The following MYLK variants were observed in gnomAD, a reference collection of about 807,000 sequenced individuals.
The protein encoded by MYLK is myosin light chain kinase, also known as myosin light chain kinase, smooth muscle.
A neutral mutation model predicts 203.4 loss-of-function variants in MYLK; 106 were observed. The ratio of observed to expected loss-of-function variants is 0.52; its 90% CI spans 0.45 to 0.61. The LOEUF (loss-of-function observed/expected upper bound fraction) is 0.61. Ranked by LOEUF, MYLK falls within the 20% of genes least tolerant of loss-of-function variation. The pLI is 0.00. For synonymous variants in MYLK, 867 were observed against 959.5 expected, an observed-to-expected ratio of 0.90 and a Z score of 1.78; for missense variants, 2,072 against 2,442.3, an observed-to-expected ratio of 0.85 and a Z score of 3.20.
chr3:123,618,775 AAGAC>A lies in MYLK; in HGVS notation c.5369-9_5369-6del. On this transcript the variant is annotated splice_region_variant and splice_polypyrimidine_tract_variant and intron_variant, in intron 32 of 33. Transcript: ENST00000360304. ...GGAAAGCTTGGGACACATCTTCTAGAAGACAGAGAAGAAGACCAGGTCATTTCTT... is the reference window on the plus strand; with the variant it reads ...GGAAAGCTTGGGACACATCTTCTAGAAGAGAAGAAGACCAGGTCATTTCTT... 6.2e-7 allele frequency: 1 copy of A among 1,614,042 alleles called. No individual in the cohort carries two copies.
intron 5 of MYLK, among the ~76,000 whole-genome samples, chr3:123,750,345 C>T (rs1307094550): frequency 2.0e-5 from 3 of 152,202 alleles, no homozygotes; most frequent in African/African-American, 7.2e-5. Flanking sequence ...GCCTGCTCTC[C>T]TTCCTCTACA....
At chr3:123,615,964 G>A (rs1268260550) in intron 33 of MYLK, among the ~76,000 whole-genome samples, 1 of 152,156 alleles carries the variant, frequency 6.6e-6, no homozygotes, top group Non-Finnish European at 1.5e-5. Flanking sequence ...TTTCAATTTT[G>A]TATAATAGTT....
At chr3:123,618,614 G>T in intron 33 of MYLK, 25 bp downstream of exon 33, 1 of 1,613,560 alleles carries the variant, frequency 6.2e-7, no homozygotes, top group South Asian at 1.1e-5. Flanking sequence ...TATTCATGGT[G>T]AAGAGAAGCA....
chr3:123,699,616 CCT>C (rs1469537818), intron 18 of MYLK, among the ~76,000 whole-genome samples: 1 of 152,264 alleles, frequency 6.6e-6, no homozygotes, highest in Non-Finnish European at 1.5e-5. Context: ...CTGGCTCCAG[CCT>C]CTGTGTCCCC....
intron 20 of MYLK, among the ~76,000 whole-genome samples, chr3:123,677,448 AG>A (rs1211272357): frequency 6.6e-6 from 1 of 152,076 alleles, no homozygotes; most frequent in African/African-American, 2.4e-5. Context: ...GATCATAGTA[AG>A]TTGGCACCTG....
At chr3:123,714,872 A>G (rs2061837916) in intron 13 of MYLK, among the ~76,000 whole-genome samples, 1 of 152,222 alleles carries the variant, frequency 6.6e-6, no homozygotes, top group Non-Finnish European at 1.5e-5. Flanking sequence ...TGGGAAAGAC[A>G]AGCACAATGA....
At position 123,869,976 on chromosome 3, in the gene MYLK, A is replaced by C. The variant is rs536856818; in HGVS notation, c.-127+6583T>G. 1.8e-4 allele frequency among the ~76,000 whole-genome samples: 27 copies of C among 151,438 alleles called. No individual in the cohort carries two copies. In the South Asian group the frequency reaches 2.7e-3, roughly 15 times the overall value. On this transcript the variant is annotated intron_variant, in intron 2 of 33. Coordinates refer to ENST00000360304, the MANE Select transcript of MYLK (RefSeq NM_053025.4). ...CTTGTCACATGGCTCTATCTAGTCCACACTCCACAGGCATGAAGGTCACTT... is the reference window on the plus strand; with the variant it reads ...CTTGTCACATGGCTCTATCTAGTCCCCACTCCACAGGCATGAAGGTCACTT...
intron 20 of MYLK, among the ~76,000 whole-genome samples, chr3:123,673,690 T>C (rs2059989064): frequency 6.6e-6 from 1 of 152,206 alleles, no homozygotes; most frequent in African/African-American, 2.4e-5. Flanking sequence ...TTTCCTCTCC[T>C]CTGGAGTCAC....
chr3:123,648,912 T>A lies in MYLK; in HGVS notation c.4415+59A>T. ...AGGAAGCTGAGGCACTGAATCTAAC[T>A]GTGAGACCCGCACCACCCTCACCCT... On this transcript the variant is annotated intron_variant, in intron 26 of 33. Transcript: ENST00000360304. The surrounding 1 kb of genome is among the most constrained non-coding windows in gnomAD (Gnocchi z 4.5). 1 of 1,449,672 alleles carries A rather than the reference T, an allele frequency of 6.9e-7. No homozygotes were observed. Among genetic ancestry groups the A allele is most frequent in the Non-Finnish European group, 9.7e-7 (1 of 1,032,164 alleles). The allele number at this position is 1,449,672 out of a possible 1,614,324, so 89.8% of individuals were successfully genotyped here.
chr3:123,805,733 C>T (rs1315003250), intron 3 of MYLK, among the ~76,000 whole-genome samples: 1 of 152,204 alleles, frequency 6.6e-6, no homozygotes. Context: ...TAGACTTGAA[C>T]CCTGCTACTG....
intron 2 of MYLK, among the ~76,000 whole-genome samples, chr3:123,863,970 G>A (rs2032128511): frequency 6.6e-6 from 1 of 152,074 alleles, no homozygotes; most frequent in African/African-American, 2.4e-5. Context: ...ACTGGAAATG[G>A]GATAAGTAAA....
intron 3 of MYLK, among the ~76,000 whole-genome samples, chr3:123,821,492 T>C (rs374064085): frequency 6.6e-6 from 1 of 152,198 alleles, no homozygotes; most frequent in African/African-American, 2.4e-5. Context: ...AAACATTTAG[T>C]AATAAGTTCC....
intron 29 of MYLK, 61 bp downstream of exon 29, chr3:123,638,010 C>G (rs1263529726): frequency 8.7e-6 from 14 of 1,610,498 alleles, no homozygotes; most frequent in Non-Finnish European, 1.2e-5. Context: ...GTGGAACCCT[C>G]AGCCCCCACC....
intron 18 of MYLK, among the ~76,000 whole-genome samples, chr3:123,694,260 A>T (rs2060812093): frequency 6.6e-6 from 1 of 152,186 alleles, no homozygotes; most frequent in Non-Finnish European, 1.5e-5. Flanking sequence ...ATACCCTTAT[A>T]CAGACCCCAA....
chr3:123,650,488 T>C (rs1490052694), intron 24 of MYLK, among the ~76,000 whole-genome samples: 1 of 151,790 alleles, frequency 6.6e-6, no homozygotes, highest in East Asian at 1.9e-4. Flanking sequence ...TGAGTGTGAG[T>C]GTGAGTGTGT....
At chr3:123,659,517 T>C in intron 23 of MYLK, among the ~76,000 whole-genome samples, 1 of 152,238 alleles carries the variant, frequency 6.6e-6, no homozygotes, top group African/African-American at 2.4e-5. Flanking sequence ...TTTAAGGAAT[T>C]TGCTACCAAA....
chr3:123,666,127 A>G, intron 22 of MYLK, 92 bp downstream of exon 22: 4 of 1,599,024 alleles, frequency 2.5e-6, no homozygotes, highest in Non-Finnish European at 3.4e-6. Flanking sequence ...GAGTGAGGCC[A>G]TCTCCAGCAC....
chr3:123,702,264 G>A (rs2061269289), intron 16 of MYLK, among the ~76,000 whole-genome samples: 1 of 152,122 alleles, frequency 6.6e-6, no homozygotes, highest in South Asian at 2.1e-4. Context: ...CCACCTGCTG[G>A]CATTTCTGAG....
chr3:123,836,285 C>A (rs1320016313), intron 2 of MYLK, among the ~76,000 whole-genome samples: 3 of 152,190 alleles, frequency 2.0e-5, no homozygotes, highest in African/African-American at 7.2e-5. Context: ...TTCACCCACA[C>A]CTGCTTCTAG....
Sources: gnomAD v4.1 joint callset for allele counts (sites outside exome capture counted in the v4.1 genomes callset) on GRCh38, gnomAD v4.1.1 for gene constraint, Gnocchi (gnomAD v3.1) non-coding constraint, MANE v1.5 for transcripts, NCBI Gene and HGNC (gene_info 2026-07-23, HGNC 2026-07-21) for gene names.